Variants in CSMD1 observed in about 807,000 individuals in gnomAD.
CSMD1 encodes the protein CUB and sushi domain-containing protein 1.
In CSMD1, 213 loss-of-function variants were observed where a neutral mutation model predicts 417.5. The observed-to-expected ratio is 0.51, with a 90% CI of 0.46 to 0.57. CSMD1 has a LOEUF of 0.57. CSMD1 is among the 20% of genes least tolerant of loss of function. The pLI is 0.00. For synonymous variants in CSMD1, 2,862 were observed against 1,736.8 expected, an observed-to-expected ratio of 1.65 and a Z score of -16.11; for missense variants, 6,923 against 4,529.7, an observed-to-expected ratio of 1.53 and a Z score of -15.17.
intron 1 of CSMD1, among the ~76,000 whole-genome samples, chr8:4,975,426 T>C (rs902419438): frequency 6.6e-6 from 1 of 152,234 alleles, no homozygotes; most frequent in East Asian, 1.9e-4. Flanking sequence ...TGGGCTACTT[T>C]GCTTTAACCT....
At chr8:4,197,015 G>T (rs998077185) in intron 3 of CSMD1, among the ~76,000 whole-genome samples, 1 of 152,100 alleles carries the variant, frequency 6.6e-6, no homozygotes, top group Non-Finnish European at 1.5e-5. Flanking sequence ...ATTTTTTAAT[G>T]TGAAAATATT....
intron 2 of CSMD1, among the ~76,000 whole-genome samples, chr8:4,445,279 T>C (rs1480603882): frequency 6.6e-6 from 1 of 152,188 alleles, no homozygotes; most frequent in African/African-American, 2.4e-5. Context: ...TGTCATTACC[T>C]ATGACATTCC....
At chr8:4,581,251 G>C (rs980102973) in intron 2 of CSMD1, among the ~76,000 whole-genome samples, 2 of 152,098 alleles carry the variant, frequency 1.3e-5, no homozygotes, top group African/African-American at 4.8e-5. Context: ...TAATAATTGG[G>C]CATTTCAAAA....
At chr8:4,285,242 C>T (rs986672333) in intron 3 of CSMD1, among the ~76,000 whole-genome samples, 1 of 152,332 alleles carries the variant, frequency 6.6e-6, no homozygotes, top group East Asian at 1.9e-4. Flanking sequence ...TTTCATCATA[C>T]AGCAGGCCGA....
chr8:3,248,897 A>G (rs2117018860), intron 26 of CSMD1, among the ~76,000 whole-genome samples: 1 of 152,206 alleles, frequency 6.6e-6, no homozygotes, highest in Non-Finnish European at 1.5e-5. Context: ...CAGCTCTATG[A>G]TAAATGCTGT....
intron 1 of CSMD1, among the ~76,000 whole-genome samples, chr8:4,849,669 A>G (rs1049779039): frequency 1.3e-5 from 2 of 152,174 alleles, no homozygotes; most frequent in Non-Finnish European, 2.9e-5. Flanking sequence ...AGTTGTCCAT[A>G]TTATTTAGTG....
At chr8:3,722,256 C>G (rs1036642846) in intron 6 of CSMD1, among the ~76,000 whole-genome samples, 9 of 151,988 alleles carry the variant, frequency 5.9e-5, no homozygotes, top group African/African-American at 2.2e-4. Context: ...TGCAGTGAGT[C>G]GAGATCACAC....
At chr8:3,861,874 C>G (rs926832002) in intron 5 of CSMD1, among the ~76,000 whole-genome samples, 2 of 152,096 alleles carry the variant, frequency 1.3e-5, no homozygotes, top group African/African-American at 4.8e-5. Context: ...CTAAGAAAAC[C>G]CACAGTGGAA....
At chr8:3,461,044 G>T (rs1433554445) in intron 12 of CSMD1, among the ~76,000 whole-genome samples, 1 of 152,186 alleles carries the variant, frequency 6.6e-6, no homozygotes. Flanking sequence ...TGAATTTACA[G>T]CACATGAGTT....
At chr8:4,727,097 G>A (rs1330028380) in intron 1 of CSMD1, among the ~76,000 whole-genome samples, 2 of 152,116 alleles carry the variant, frequency 1.3e-5, no homozygotes, top group East Asian at 1.9e-4. Context: ...TGAGTAGGGT[G>A]AGGAAGCTGA....
chr8:4,246,497 A>C (rs867430138), intron 3 of CSMD1, among the ~76,000 whole-genome samples: 5 of 152,162 alleles, frequency 3.3e-5, no homozygotes, highest in African/African-American at 9.6e-5. Context: ...AGAGTTTTTA[A>C]AGAAAATTGT....
Position 3,990,803 on chromosome 8 carries a change from G to T in CSMD1, c.818+7100C>A, listed in dbSNP as rs193240995. Among the ~76,000 whole-genome samples the T allele has an allele frequency of 1.3e-3, 192 of 152,248 alleles. 1 individual carries two copies. The highest frequency in any genetic ancestry group is 3.4e-3 in the Middle Eastern group (1 of 294). The stretch of plus-strand genomic sequence containing the variant: ...CATGAGGAAGGAGAGGGGAGGGCAG[G>T]AAATAATTCCTAGGGTATACGCTCC... On this transcript the variant is annotated intron_variant, in intron 5 of 69. Transcript: ENST00000635120.
intron 37 of CSMD1, among the ~76,000 whole-genome samples, chr8:3,172,923 T>A (rs1451654432): frequency 6.6e-6 from 1 of 152,176 alleles, no homozygotes; most frequent in Non-Finnish European, 1.5e-5. Context: ...GAGGTCAGCT[T>A]GGAAGTACGT....
Position 3,886,958 on chromosome 8 carries a change from T to A in CSMD1, c.818+110945A>T, listed in dbSNP as rs1806606475. Among the ~76,000 whole-genome samples the A allele has an allele frequency of 2.6e-5, 4 of 152,196 alleles. No homozygotes were observed. In the South Asian group the frequency reaches 8.3e-4, roughly 31 times the overall value. Reference sequence around the variant, plus strand: ...GTCATTTTTCAGTGAAATGCATGTCTTCAGATAAATGCATTATGAACACTT... The same window carrying A: ...GTCATTTTTCAGTGAAATGCATGTCATCAGATAAATGCATTATGAACACTT... On this transcript the variant is annotated intron_variant, in intron 5 of 69. Transcript: ENST00000635120.
chr8:3,381,281 G>A (rs889806194), intron 18 of CSMD1, among the ~76,000 whole-genome samples: 1 of 151,114 alleles, frequency 6.6e-6, no homozygotes, highest in Non-Finnish European at 1.5e-5. Context: ...AAAAAAAAAA[G>A]AGAGCAGCTT....
chr8:3,177,732 T>G (rs903455116), intron 37 of CSMD1, among the ~76,000 whole-genome samples: 2 of 152,122 alleles, frequency 1.3e-5, no homozygotes, highest in African/African-American at 4.8e-5. Flanking sequence ...CCCACCAGCT[T>G]CCACCAGATC....
At chr8:3,588,389 G>A (rs1397017589) in intron 8 of CSMD1, among the ~76,000 whole-genome samples, 1 of 152,166 alleles carries the variant, frequency 6.6e-6, no homozygotes, top group African/African-American at 2.4e-5. Context: ...CGGGTAGGAA[G>A]AGTTGGAATT....
intron 3 of CSMD1, among the ~76,000 whole-genome samples, chr8:4,393,726 C>G (rs1804017741): frequency 6.6e-6 from 1 of 152,194 alleles, no homozygotes; most frequent in Non-Finnish European, 1.5e-5. Flanking sequence ...CCTTGAAAAT[C>G]TCTGATCCAT....
chr8:3,533,420 G>A (rs916591477), intron 10 of CSMD1, among the ~76,000 whole-genome samples: 1 of 152,108 alleles, frequency 6.6e-6, no homozygotes, highest in Non-Finnish European at 1.5e-5. Flanking sequence ...ACAGTGGTTT[G>A]ACTCTGTCAG....
Sources: allele counts gnomAD v4.1 joint callset (sites outside exome capture counted in the v4.1 genomes callset), GRCh38; gene constraint gnomAD v4.1.1; transcripts MANE v1.5; gene names NCBI Gene and HGNC (gene_info 2026-07-23, HGNC 2026-07-21).